Variants in MED13L observed in about 807,000 individuals in gnomAD.
The protein encoded by MED13L is mediator complex subunit 13L, also known as mediator of RNA polymerase II transcription subunit 13-like.
A neutral mutation model predicts 220.9 loss-of-function variants in MED13L; 7 were observed. That is an observed-to-expected ratio of 0.03 (90% confidence interval 0.02 to 0.06). The LOEUF is 0.06. MED13L is among the 10% of genes least tolerant of loss of function. MED13L has a pLI of 1.00. For missense variants in MED13L, 1,965 were observed against 2,760.5 expected (o/e 0.71, Z 6.46); for synonymous variants, 1,011 against 1,015.2 (o/e 1.00, Z 0.08).
chr12:116,270,800 T>C (rs1873238835), intron 1 of MED13L, among the ~76,000 whole-genome samples: 1 of 151,678 alleles, frequency 6.6e-6, no homozygotes, highest in Admixed American at 6.6e-5. Context: ...CCCAGCACTT[T>C]GGGAGGCCGA....
At chr12:116,049,963 G>T (rs548402528) in intron 4 of MED13L, among the ~76,000 whole-genome samples, 1 of 152,162 alleles carries the variant, frequency 6.6e-6, no homozygotes, top group Non-Finnish European at 1.5e-5. Context: ...TATGTACTAC[G>T]TTGCAATGTA....
chr12:116,003,494 A>G (rs1178045535), intron 13 of MED13L, among the ~76,000 whole-genome samples: 1 of 146,694 alleles, frequency 6.8e-6, no homozygotes, highest in African/African-American at 2.5e-5. Context: ...AAGCCCTCCA[A>G]TTCTTTTTTT....
intron 4 of MED13L, among the ~76,000 whole-genome samples, chr12:116,096,354 C>CAAAAAAAAAAAAAAAA (rs537207957): frequency 1.7e-3 from 41 of 23,556 alleles, no homozygotes; most frequent in Admixed American, 3.2e-3. Flanking sequence ...GACACAGCCT[C>CAAAAAAAAAAAAAAAA]AAAAAAAAAA....
At chr12:116,102,850 T>C (rs1232565637) in intron 3 of MED13L, among the ~76,000 whole-genome samples, 1 of 150,862 alleles carries the variant, frequency 6.6e-6, no homozygotes, top group Non-Finnish European at 1.5e-5. Context: ...GCCTCCTGAG[T>C]AGCCGGGATT....
chr12:116,124,826 C>T (rs556270979), intron 2 of MED13L, among the ~76,000 whole-genome samples: 1 of 152,174 alleles, frequency 6.6e-6, no homozygotes, highest in Non-Finnish European at 1.5e-5. Context: ...CCTTTCCATA[C>T]ACACAAATGC....
In MED13L at chr12:116,009,105, G is replaced by T. The variant is rs149631695; in HGVS notation, c.1308C>A (p.Val436=). 1 of 1,613,948 alleles carries T rather than the reference G, an allele frequency of 6.2e-7. No homozygotes were observed. The change falls in exon 10 of 31, where the codon GTC becomes GTA. Residue 436 remains valine, a synonymous_variant. Transcript: ENST00000281928. ...SRHKLLKRCA[V]GPNRPPTVSQ... The stretch of plus-strand genomic sequence containing the variant: ...ATACTGTGGGAGGTCGATTGGGCCC[G>T]ACTGCACAACGTTTTAAAAGCTTAT...
At chr12:116,211,314 T>C (rs934363405) in intron 2 of MED13L, among the ~76,000 whole-genome samples, 19 of 152,320 alleles carry the variant, frequency 1.2e-4, no homozygotes, top group African/African-American at 4.6e-4. Flanking sequence ...TTTTATTTAA[T>C]TTTAATTAAC....
chr12:116,244,120 T>C (rs1051006207), intron 1 of MED13L, among the ~76,000 whole-genome samples: 3 of 152,204 alleles, frequency 2.0e-5, no homozygotes, highest in Non-Finnish European at 4.4e-5. Context: ...GCTGTGATCA[T>C]TTGAGGCTGA....
At chr12:116,147,324 T>C (rs1414281124) in intron 2 of MED13L, among the ~76,000 whole-genome samples, 3 of 152,230 alleles carry the variant, frequency 2.0e-5, no homozygotes, top group Non-Finnish European at 4.4e-5. Flanking sequence ...TTGGCAACAT[T>C]ATACTGCATC....
chr12:116,243,353 A>G (rs947677820), intron 1 of MED13L, among the ~76,000 whole-genome samples: 1 of 152,046 alleles, frequency 6.6e-6, no homozygotes, highest in East Asian at 1.9e-4. Flanking sequence ...GATATAAATA[A>G]CTCCCACAAG....
In MED13L at chr12:115,991,827, T is replaced by A; in HGVS notation, c.3127A>T (p.Thr1043Ser). The A allele has an allele frequency of 6.2e-7, 1 of 1,612,298 alleles. No homozygotes were observed. Among genetic ancestry groups the A allele is most frequent in the Non-Finnish European group, 8.5e-7 (1 of 1,179,910 alleles). Reference sequence around the variant, plus strand: ...GGTGTGGGGACAGAGAAGCGAGGGGTTGCTGGAGATGGTAGGACTCCTGCC... The same window carrying A: ...GGTGTGGGGACAGAGAAGCGAGGGGATGCTGGAGATGGTAGGACTCCTGCC... ...SGAGVLPSPA[T>S]PRFSVPTPRT... Residue 1043 changes from threonine (T) to serine (S), a missense_variant, in exon 17 of 31, where the codon ACC (threonine) becomes TCC (serine). Thr to Ser is a moderately conservative substitution (Grantham distance 58). Transcript: ENST00000281928. This position sits in a 1 kb window ranked among gnomAD's most constrained non-coding sequence, Gnocchi z 7.7.
intron 4 of MED13L, among the ~76,000 whole-genome samples, chr12:116,065,958 C>T (rs1257321313): frequency 6.6e-6 from 1 of 152,126 alleles, no homozygotes. Context: ...AAGTAGAGTG[C>T]TCTGCCTTGT....
chr12:116,053,931 G>A (rs559255693), intron 4 of MED13L, among the ~76,000 whole-genome samples: 1 of 152,226 alleles, frequency 6.6e-6, no homozygotes, highest in South Asian at 2.1e-4. Context: ...AACTTCCCCA[G>A]GGTCACAGAG....
chr12:116,019,639 A>G (rs1357372628), intron 6 of MED13L, 139 bp downstream of exon 6: 14 of 1,131,890 alleles, frequency 1.2e-5, no homozygotes, highest in Non-Finnish European at 1.8e-5. Context: ...ATAACTACTC[A>G]GTACATACCA....
Position 115,991,821 on chromosome 12 carries a change from G to A in MED13L, c.3133C>T (p.Arg1045Cys). 2 of 1,613,004 alleles carry A rather than the reference G, an allele frequency of 1.2e-6. No individual in the cohort carries two copies. Among genetic ancestry groups the A allele is most frequent in the Non-Finnish European group, 8.5e-7 (1 of 1,180,000 alleles). ...AGVLPSPATP[R>C]FSVPTPRTPR... The stretch of plus-strand genomic sequence containing the variant: ...GTTCGTGGTGTGGGGACAGAGAAGC[G>A]AGGGGTTGCTGGAGATGGTAGGACT... The change falls in exon 17 of 31, where the codon CGC (arginine) becomes TGC (cysteine). Residue 1045 changes from arginine to cysteine, a missense_variant. By Grantham distance (180) the Arg-to-Cys change is radical (BLOSUM62 -3). Around this residue, in one of 10 missense-constraint regions of MED13L, gnomAD observed 233 missense variants for 306.2 expected, o/e 0.76. Transcript: ENST00000281928. This position sits in a 1 kb window ranked among gnomAD's most constrained non-coding sequence, Gnocchi z 7.7.
intron 2 of MED13L, among the ~76,000 whole-genome samples, chr12:116,213,468 A>T (rs1471073929): frequency 6.6e-6 from 1 of 152,096 alleles, no homozygotes; most frequent in East Asian, 1.9e-4. Context: ...CTGGAGTGCA[A>T]TGGCGCAATC....
intron 4 of MED13L, among the ~76,000 whole-genome samples, chr12:116,092,148 CAGAT>C (rs1217012051): frequency 7.9e-5 from 12 of 152,170 alleles, no homozygotes; most frequent in Non-Finnish European, 1.8e-4. Context: ...CCCTTATTAA[CAGAT>C]AGGCACCACA....
chr12:115,972,054 T>G (rs1306909675), intron 26 of MED13L, 24 bp downstream of exon 26: 1 of 1,612,408 alleles, frequency 6.2e-7, no homozygotes, highest in East Asian at 2.2e-5. Flanking sequence ...ATGTAATTAA[T>G]GACAATGACA....
At chr12:116,034,823 T>C (rs1881075024) in intron 4 of MED13L, among the ~76,000 whole-genome samples, 2 of 152,058 alleles carry the variant, frequency 1.3e-5, no homozygotes, top group Non-Finnish European at 2.9e-5. Context: ...CTGGCCAACA[T>C]GGTGTAACCC....
Sources: gnomAD v4.1 joint callset for allele counts (sites outside exome capture counted in the v4.1 genomes callset) on GRCh38, gnomAD v4.1.1 for gene constraint, gnomAD v4.1.1 regional missense constraint, Gnocchi (gnomAD v3.1) non-coding constraint, MANE v1.5 for transcripts, NCBI Gene and HGNC (gene_info 2026-07-23, HGNC 2026-07-21) for gene names.